Variants in FRMD4A observed in about 807,000 individuals in gnomAD.
FRMD4A encodes FERM domain-containing protein 4A.
A neutral mutation model predicts 129.1 loss-of-function variants in FRMD4A; 29 were observed. That is an observed-to-expected ratio of 0.22 (90% CI 0.17 to 0.31). FRMD4A has a LOEUF of 0.31. FRMD4A is among the 10% of genes least tolerant of loss of function. The pLI is 1.00. For synonymous variants in FRMD4A, 634 were observed against 571.6 expected (o/e 1.11, Z -1.56); for missense variants, 1,272 against 1,375.8 (o/e 0.92, Z 1.19).
In FRMD4A at chr10:14,075,755, T is replaced by TACAC. The variant is rs71388157; in HGVS notation, c.46-216847_46-216844dup. 1.8e-3 allele frequency among the ~76,000 whole-genome samples: 278 copies of TACAC among 152,108 alleles called. 1 individual carries two copies. The highest frequency in any genetic ancestry group is 6.6e-3 in the African/African-American group (272 of 41,482). On this transcript the variant is annotated intron_variant, in intron 2 of 24. Transcript: ENST00000357447. ...AGTGTGTGTGTATATTTTATATTTA[T>TACAC]ACACACACATATGTATATGCACACA... is the stretch of plus-strand genomic sequence containing the variant.
At chr10:14,106,147 T>C (rs985155187) in intron 2 of FRMD4A, among the ~76,000 whole-genome samples, 36 of 152,218 alleles carry the variant, frequency 2.4e-4, no homozygotes, top group Non-Finnish European at 7.4e-5. Flanking sequence ...CCTAGCATCA[T>C]CCAAATGTGA....
At chr10:13,861,228 C>G (rs569130192) in intron 2 of FRMD4A, among the ~76,000 whole-genome samples, 1 of 152,256 alleles carries the variant, frequency 6.6e-6, no homozygotes, top group African/African-American at 2.4e-5. Flanking sequence ...AAGCCCTAAC[C>G]CCCAATGTAT....
At chr10:14,106,272 G>T (rs1837582799) in intron 2 of FRMD4A, among the ~76,000 whole-genome samples, 1 of 152,138 alleles carries the variant, frequency 6.6e-6, no homozygotes, top group African/African-American at 2.4e-5. Flanking sequence ...TCTGACCCCA[G>T]GAATAAGAAC....
chr10:13,739,195 A>T (rs10906460), intron 11 of FRMD4A, among the ~76,000 whole-genome samples: 15 of 152,088 alleles, frequency 9.9e-5, no homozygotes, highest in Admixed American at 3.9e-4. Context: ...AAAAGAGATA[A>T]ATTTTGAAAT....
chr10:14,096,969 C>A (rs789756), intron 2 of FRMD4A: 92,638 of 151,380 alleles, frequency 0.61, 28,505 homozygotes, highest in East Asian at 0.76. Context: ...ACCCCATCCC[C>A]GCTAAAAATA....
At chr10:14,130,720 C>T (rs975804989) in intron 2 of FRMD4A, among the ~76,000 whole-genome samples, 4 of 152,102 alleles carry the variant, frequency 2.6e-5, no homozygotes, top group South Asian at 2.1e-4. Flanking sequence ...GTACATAAGC[C>T]GTACAAGCTA....
chr10:14,196,478 G>A (rs927439340), intron 2 of FRMD4A, among the ~76,000 whole-genome samples: 2 of 152,146 alleles, frequency 1.3e-5, no homozygotes, highest in African/African-American at 4.8e-5. Context: ...AAAGGCTAAT[G>A]TTCAATTTAA....
intron 15 of FRMD4A, among the ~76,000 whole-genome samples, chr10:13,679,886 ATT>A (rs2084385503): frequency 1.3e-5 from 2 of 152,248 alleles, no homozygotes; most frequent in East Asian, 3.9e-4. Context: ...CACCAGCAAC[ATT>A]CCACAGAAGC....
At chr10:14,036,180 C>T (rs1833494259) in intron 2 of FRMD4A, among the ~76,000 whole-genome samples, 1 of 152,208 alleles carries the variant, frequency 6.6e-6, no homozygotes, top group African/African-American at 2.4e-5. Flanking sequence ...TCATTCCTGG[C>T]ACATTCCAAT....
rs1191573955 is a variant in FRMD4A at position 13,657,027 on chromosome 10, C to T, written c.2562G>A (p.Glu854=). Residue 854 remains glutamate (E), a synonymous_variant, in exon 22 of 25, where the codon GAG becomes GAA. Coordinates refer to ENST00000357447, the MANE Select transcript of FRMD4A (RefSeq NM_018027.5). ...GATPVVVRSL[E]SDQEGHYSVK... ...CGCTGTAGTGGCCCTCCTGGTCGCT[C>T]TCCAGGCTGCGCACCACCACGGGCG... is the stretch of plus-strand genomic sequence containing the variant. 4 of 1,570,076 alleles carry T rather than the reference C, an allele frequency of 2.5e-6. No homozygotes were observed. Among genetic ancestry groups the T allele is most frequent in the African/African-American group, 2.8e-5 (2 of 72,228 alleles).
intron 8 of FRMD4A, among the ~76,000 whole-genome samples, chr10:13,748,885 C>T (rs2091426231): frequency 6.6e-6 from 1 of 152,174 alleles, no homozygotes; most frequent in Admixed American, 6.5e-5. Flanking sequence ...GGAGACTCAA[C>T]CTGTACCATT....
chr10:14,066,786 C>CA (rs201017716), intron 2 of FRMD4A, among the ~76,000 whole-genome samples: 2,258 of 151,228 alleles, frequency 0.015, 50 homozygotes, highest in African/African-American at 0.051. Flanking sequence ...CAAAACGTAT[C>CA]AAAAAAAAGA....
At chr10:14,246,558 C>A (rs563859459) in intron 2 of FRMD4A, among the ~76,000 whole-genome samples, 21 of 152,310 alleles carry the variant, frequency 1.4e-4, no homozygotes, top group African/African-American at 5.1e-4. Flanking sequence ...CATGTATTTA[C>A]ACAATCACAT....
chr10:13,697,152 A>AT lies in FRMD4A; in HGVS notation c.976-3114dup, dbSNP rs11309575. ...TATGGAAGCTTTAGCAAACTACTGGATTTTTTTTTTTTTTTTTTTGAGACA... is the reference window on the plus strand; with the variant it reads ...TATGGAAGCTTTAGCAAACTACTGGATTTTTTTTTTTTTTTTTTTTGAGACA... On this transcript the variant is annotated intron_variant, in intron 14 of 24. Coordinates refer to ENST00000357447, the MANE Select transcript of FRMD4A (RefSeq NM_018027.5). 7.2e-3 allele frequency among the ~76,000 whole-genome samples: 989 copies of AT among 136,538 alleles called. 13 individuals carry two copies. The highest frequency in any genetic ancestry group is 0.016 in the African/African-American group (591 of 36,646). 89.6% of individuals were successfully genotyped at this position (136,538 alleles called of 152,430 possible).
chr10:14,174,526 G>T (rs1487096870), intron 2 of FRMD4A, among the ~76,000 whole-genome samples: 1 of 134,858 alleles, frequency 7.4e-6, no homozygotes, highest in African/African-American at 2.8e-5. Flanking sequence ...GCACTGTTGC[G>T]TTTGTTCGTT....
chr10:13,989,706 G>T (rs2095596637), intron 2 of FRMD4A, among the ~76,000 whole-genome samples: 1 of 152,188 alleles, frequency 6.6e-6, no homozygotes, highest in African/African-American at 2.4e-5. Context: ...GGAAATGGAA[G>T]CAGGGAGACA....
chr10:13,680,923 G>A (rs751595161), intron 15 of FRMD4A, among the ~76,000 whole-genome samples: 12 of 152,022 alleles, frequency 7.9e-5, no homozygotes, highest in Non-Finnish European at 1.2e-4. Flanking sequence ...CATGGAGAGA[G>A]GGTGGTGACT....
chr10:13,849,216 C>G (rs1209611814), intron 3 of FRMD4A, among the ~76,000 whole-genome samples: 1 of 152,230 alleles, frequency 6.6e-6, no homozygotes, highest in Non-Finnish European at 1.5e-5. Flanking sequence ...GTTCATAACA[C>G]TGAGTCCCTC....
chr10:13,957,852 C>A (rs1565112303), intron 2 of FRMD4A, among the ~76,000 whole-genome samples: 1 of 151,764 alleles, frequency 6.6e-6, no homozygotes, highest in Non-Finnish European at 1.5e-5. Context: ...GTACTGTAAG[C>A]CACTTACAAA....
Sources: gnomAD v4.1 joint callset for allele counts (sites outside exome capture counted in the v4.1 genomes callset) on GRCh38, gnomAD v4.1.1 for gene constraint, MANE v1.5 for transcripts, NCBI Gene and HGNC (gene_info 2026-07-23, HGNC 2026-07-21) for gene names.